The following DLG2 variants were observed in gnomAD, a reference collection of about 807,000 sequenced individuals.
The protein encoded by DLG2 is discs large MAGUK scaffold protein 2.
In DLG2, 45 loss-of-function variants were observed where a neutral mutation model predicts 132.5. The ratio of observed to expected loss-of-function variants is 0.34; its 90% CI spans 0.27 to 0.44. DLG2 has a LOEUF of 0.44. Among genes scored for constraint, DLG2 ranks in the 20% least tolerant of loss-of-function variants. The pLI, the probability that DLG2 is intolerant of heterozygous loss-of-function variation, is 1.00. For missense variants in DLG2, 1,045 were observed against 1,196.9 expected, an observed-to-expected ratio of 0.87 and a Z score of 1.87; for synonymous variants, 424 against 419.6, an observed-to-expected ratio of 1.01 and a Z score of -0.13.
intron 8 of DLG2, among the ~76,000 whole-genome samples, chr11:84,192,974 C>T (rs914991783): frequency 2.6e-5 from 4 of 151,786 alleles, no homozygotes; most frequent in African/African-American, 7.3e-5. Flanking sequence ...TATTGAAATG[C>T]CTGCTTTAAA....
chr11:84,251,728 G>A (rs1313951841), intron 7 of DLG2, among the ~76,000 whole-genome samples: 8 of 137,048 alleles, frequency 5.8e-5, no homozygotes, highest in Non-Finnish European at 9.1e-5. Context: ...CTCAGCCTCC[G>A]CCTCCTGGTT....
chr11:84,845,542 C>T (rs1359430731), intron 6 of DLG2, among the ~76,000 whole-genome samples: 5 of 152,034 alleles, frequency 3.3e-5, no homozygotes, highest in African/African-American at 1.2e-4. Context: ...ATGTCTATGT[C>T]CTTATCTTAT....
chr11:84,012,479 A>G (rs1462078609), intron 11 of DLG2, among the ~76,000 whole-genome samples: 1 of 152,124 alleles, frequency 6.6e-6, no homozygotes, highest in African/African-American at 2.4e-5. Context: ...ATTTTGTGGC[A>G]TTTATATATT....
intron 6 of DLG2, among the ~76,000 whole-genome samples, chr11:84,869,846 T>G (rs1222671702): frequency 2.0e-5 from 3 of 152,170 alleles, no homozygotes; most frequent in Non-Finnish European, 4.4e-5. Context: ...CTTATGCAAT[T>G]TGTGAATTTA....
At chr11:83,979,532 G>C (rs2092593207) in intron 12 of DLG2, among the ~76,000 whole-genome samples, 1 of 152,266 alleles carries the variant, frequency 6.6e-6, no homozygotes, top group South Asian at 2.1e-4. Context: ...CAAATGCTTT[G>C]TTGCTTATAA....
chr11:83,793,647 T>C (rs1258044687), intron 17 of DLG2, among the ~76,000 whole-genome samples: 1 of 152,198 alleles, frequency 6.6e-6, no homozygotes, highest in African/African-American at 2.4e-5. Flanking sequence ...TACCTAGGTT[T>C]CCTAGGTAAC....
intron 6 of DLG2, among the ~76,000 whole-genome samples, chr11:84,721,718 G>C (rs2153798314): frequency 6.6e-6 from 1 of 152,298 alleles, no homozygotes; most frequent in South Asian, 2.1e-4. Flanking sequence ...TTGGTAGAAA[G>C]AGAGCAAAAC....
intron 18 of DLG2, among the ~76,000 whole-genome samples, chr11:83,693,302 A>C (rs1436888451): frequency 6.6e-6 from 1 of 152,120 alleles, no homozygotes. Context: ...GCATTATTTT[A>C]GTACTGTTGA....
At chr11:85,446,262 A>C (rs960221261) in intron 3 of DLG2, among the ~76,000 whole-genome samples, 1 of 152,240 alleles carries the variant, frequency 6.6e-6, no homozygotes, top group African/African-American at 2.4e-5. Context: ...CAAAATGTAC[A>C]ATCTAATCAT....
At chr11:84,414,891 T>C (rs980411247) in intron 7 of DLG2, among the ~76,000 whole-genome samples, 2 of 152,180 alleles carry the variant, frequency 1.3e-5, no homozygotes, top group Non-Finnish European at 2.9e-5. Context: ...GTATCCTTTA[T>C]CCTTGAAAGT....
chr11:84,765,103 C>T (rs1182529033), intron 6 of DLG2, among the ~76,000 whole-genome samples: 1 of 152,008 alleles, frequency 6.6e-6, no homozygotes, highest in Non-Finnish European at 1.5e-5. Context: ...TAAATTTAAA[C>T]TGGATTCATA....
chr11:83,657,756 G>A (rs2073065918), intron 18 of DLG2, among the ~76,000 whole-genome samples: 1 of 151,958 alleles, frequency 6.6e-6, no homozygotes, highest in African/African-American at 2.4e-5. Context: ...TAGCCAGGAT[G>A]GTCTCAATCT....
intron 3 of DLG2, among the ~76,000 whole-genome samples, chr11:85,368,715 A>C (rs2084742144): frequency 6.6e-6 from 1 of 152,198 alleles, no homozygotes; most frequent in African/African-American, 2.4e-5. Context: ...TCTCAGCTCA[A>C]AGGGAATTCC....
intron 6 of DLG2, among the ~76,000 whole-genome samples, chr11:84,897,395 A>C (rs1161388170): frequency 6.6e-6 from 1 of 151,886 alleles, no homozygotes; most frequent in East Asian, 1.9e-4. Context: ...TAGCTTAAGC[A>C]TGTTCTGTTA....
At chr11:85,141,813 T>C (rs1594781889) in intron 5 of DLG2, among the ~76,000 whole-genome samples, 1 of 151,878 alleles carries the variant, frequency 6.6e-6, no homozygotes, top group Admixed American at 6.6e-5. Context: ...AAAGAGACTG[T>C]CCTTTTCCCA....
chr11:83,783,112 G>C (rs1239677250), intron 18 of DLG2, among the ~76,000 whole-genome samples: 1 of 152,166 alleles, frequency 6.6e-6, no homozygotes, highest in African/African-American at 2.4e-5. Context: ...GTAAGTGCAT[G>C]ATAAAATTGA....
intron 17 of DLG2, among the ~76,000 whole-genome samples, chr11:83,812,560 C>T (rs2047595234): frequency 6.6e-6 from 1 of 152,178 alleles, no homozygotes; most frequent in Non-Finnish European, 1.5e-5. Flanking sequence ...ATTCTTTCCT[C>T]ATAAGGTTTA....
Position 85,304,437 on chromosome 11 carries a change from C to A in DLG2, c.41-19072G>T, listed in dbSNP as rs77670978. 2.2e-3 allele frequency among the ~76,000 whole-genome samples: 329 copies of A among 152,132 alleles called. 3 individuals carry two copies. Among genetic ancestry groups the A allele is most frequent in the Middle Eastern group, 0.01 (3 of 294 alleles). Reference sequence around the variant, plus strand: ...TGAGAAAATGCACAGTAGAGACTAACTGAAGGTCCAAGAATTTTAATTAAC... The same window carrying A: ...TGAGAAAATGCACAGTAGAGACTAAATGAAGGTCCAAGAATTTTAATTAAC... On this transcript the variant is annotated intron_variant, in intron 3 of 27. Coordinates refer to ENST00000376104, the MANE Select transcript of DLG2 (RefSeq NM_001142699.3).
rs2092449014 is a variant in DLG2, at chr11:83,740,870, T to C, written c.1825+45820A>G. ...TTACCTCTCTGCATACTAAAACACA[T>C]GGGGACAGAATTTTTGTCCTGCACA... On this transcript the variant is annotated intron_variant, in intron 18 of 27. Transcript: ENST00000376104. Among the ~76,000 whole-genome samples the C allele has an allele frequency of 2.6e-5, 4 of 152,076 alleles. No homozygotes were observed. In the South Asian group the frequency reaches 8.3e-4, roughly 32 times the overall value.
Sources: allele counts gnomAD v4.1 joint callset (sites outside exome capture counted in the v4.1 genomes callset), GRCh38; gene constraint gnomAD v4.1.1; transcripts MANE v1.5; gene names NCBI Gene and HGNC (gene_info 2026-07-23, HGNC 2026-07-21).